The following DIAPH3 variants were observed in gnomAD, a reference collection of about 807,000 sequenced individuals.
DIAPH3 encodes diaphanous related formin 3.
In DIAPH3, 117 loss-of-function variants were observed where a neutral mutation model predicts 144.3. The observed-to-expected ratio is 0.81, with a 90% CI of 0.70 to 0.95. The LOEUF (loss-of-function observed/expected upper bound fraction) is 0.95, where lower values mean the gene tolerates loss of function less well. DIAPH3 is among the 40% of genes least tolerant of loss of function. The pLI is 0.00. For missense variants in DIAPH3, 1,421 were observed against 1,412.7 expected (o/e 1.01, Z -0.09); for synonymous variants, 519 against 488.9 (o/e 1.06, Z -0.81).
chr13:59,865,853 A>G (rs1462804086), intron 21 of DIAPH3, among the ~76,000 whole-genome samples: 3 of 152,044 alleles, frequency 2.0e-5, no homozygotes, highest in Non-Finnish European at 2.9e-5. Flanking sequence ...AAACCCTAAA[A>G]TAAAAACTAA....
intron 17 of DIAPH3, among the ~76,000 whole-genome samples, chr13:59,947,362 T>G (rs747665098): frequency 6.6e-6 from 1 of 152,206 alleles, no homozygotes; most frequent in Non-Finnish European, 1.5e-5. Flanking sequence ...ACTTTAACTC[T>G]GCATGGTCCA....
intron 27 of DIAPH3, among the ~76,000 whole-genome samples, chr13:59,701,283 G>T (rs1297340840): frequency 6.6e-6 from 1 of 152,130 alleles, no homozygotes; most frequent in Non-Finnish European, 1.5e-5. Flanking sequence ...TTGACTGAAG[G>T]TAATCATTAT....
intron 24 of DIAPH3, among the ~76,000 whole-genome samples, chr13:59,811,859 T>G (rs1352289142): frequency 6.6e-6 from 1 of 152,118 alleles, no homozygotes; most frequent in Non-Finnish European, 1.5e-5. Flanking sequence ...ATTATTTGTT[T>G]AATTTCTTAT....
At chr13:59,716,470 C>T (rs538885124) in intron 27 of DIAPH3, among the ~76,000 whole-genome samples, 4 of 152,240 alleles carry the variant, frequency 2.6e-5, no homozygotes, top group East Asian at 3.9e-4. Flanking sequence ...CCACCGTGCC[C>T]GGCCCCAGGA....
At chr13:60,070,395 A>G (rs926295953) in intron 4 of DIAPH3, among the ~76,000 whole-genome samples, 2 of 149,138 alleles carry the variant, frequency 1.3e-5, no homozygotes, top group Non-Finnish European at 3.0e-5. Context: ...CAGATCTATT[A>G]TTTGTCTTTT....
chr13:59,741,390 G>C (rs890645857), intron 27 of DIAPH3, among the ~76,000 whole-genome samples: 7 of 152,128 alleles, frequency 4.6e-5, no homozygotes, highest in Non-Finnish European at 1.0e-4. Context: ...TCCACCTAAT[G>C]AAAGTATTAC....
At chr13:59,990,676 C>T (rs1449182152) in intron 12 of DIAPH3, among the ~76,000 whole-genome samples, 2 of 151,848 alleles carry the variant, frequency 1.3e-5, no homozygotes, top group Admixed American at 6.6e-5. Flanking sequence ...AATTTGTTAA[C>T]CTCAGATGGC....
At chr13:59,972,561 A>G (rs564328331) in intron 15 of DIAPH3, among the ~76,000 whole-genome samples, 32 of 152,326 alleles carry the variant, frequency 2.1e-4, no homozygotes, top group South Asian at 1.2e-3. Context: ...AAACAGTGTT[A>G]TAAAAGAAGT....
At chr13:60,107,680 C>A (rs1219886746) in intron 3 of DIAPH3, among the ~76,000 whole-genome samples, 1 of 152,124 alleles carries the variant, frequency 6.6e-6, no homozygotes, top group African/African-American at 2.4e-5. Flanking sequence ...GTGCTTTCTC[C>A]TACATTACAA....
At chr13:60,129,348 T>A (rs958906637) in intron 2 of DIAPH3, among the ~76,000 whole-genome samples, 3 of 152,224 alleles carry the variant, frequency 2.0e-5, no homozygotes, top group Non-Finnish European at 4.4e-5. Context: ...GCACCTAAGC[T>A]GCACTTTATA....
At chr13:60,025,895 T>C (rs1251515737) in intron 5 of DIAPH3, among the ~76,000 whole-genome samples, 2 of 152,062 alleles carry the variant, frequency 1.3e-5, no homozygotes, top group African/African-American at 2.4e-5. Flanking sequence ...GCAATGAAGA[T>C]GGCTACCACA....
rs181811611 is a variant in DIAPH3 at position 59,761,680 on chromosome 13, G to A, written c.3319+12509C>T. 2.0e-4 allele frequency among the ~76,000 whole-genome samples: 31 copies of A among 152,248 alleles called. 1 individual carries two copies. Among genetic ancestry groups the A allele is most frequent in the Non-Finnish European group, 4.4e-5 (3 of 68,022 alleles). On this transcript the variant is annotated intron_variant, in intron 27 of 27. Coordinates refer to ENST00000400324, the MANE Select transcript of DIAPH3 (RefSeq NM_001042517.2). ...CTCCTATCATCCCTATCACTCCTTAGGAGTGTACACTGAAGAGCATTTTAG... is the reference window on the plus strand; with the variant it reads ...CTCCTATCATCCCTATCACTCCTTAAGAGTGTACACTGAAGAGCATTTTAG...
chr13:59,986,840 G>T (rs1228495808), intron 12 of DIAPH3, among the ~76,000 whole-genome samples: 4 of 150,056 alleles, frequency 2.7e-5, no homozygotes, highest in Non-Finnish European at 6.0e-5. Context: ...TGTTGGAGAG[G>T]ATGTGGAGAA....
chr13:59,920,444 G>A (rs1214741519), intron 18 of DIAPH3, among the ~76,000 whole-genome samples: 1 of 151,550 alleles, frequency 6.6e-6, no homozygotes, highest in Admixed American at 6.6e-5. Flanking sequence ...ACTGTAAAAG[G>A]AGACAAAGGA....
At chr13:60,059,513 T>C (rs977507424) in intron 4 of DIAPH3, among the ~76,000 whole-genome samples, 2 of 152,056 alleles carry the variant, frequency 1.3e-5, no homozygotes, top group East Asian at 1.9e-4. Flanking sequence ...ATACTTTACA[T>C]AGATTATCAT....
chr13:59,898,589 A>G (rs2140162902), intron 20 of DIAPH3, among the ~76,000 whole-genome samples: 1 of 152,340 alleles, frequency 6.6e-6, no homozygotes, highest in African/African-American at 2.4e-5. Context: ...TTACTTATTC[A>G]TTCATCAATA....
intron 17 of DIAPH3, among the ~76,000 whole-genome samples, chr13:59,934,341 T>C (rs1389877724): frequency 6.6e-6 from 1 of 152,152 alleles, no homozygotes; most frequent in Non-Finnish European, 1.5e-5. Flanking sequence ...ATAAATTACC[T>C]TTCTAAATAG....
chr13:60,118,923 T>C (rs1318456938), intron 2 of DIAPH3, among the ~76,000 whole-genome samples: 1 of 152,234 alleles, frequency 6.6e-6, no homozygotes, highest in Non-Finnish European at 1.5e-5. Context: ...CAGTACAGTC[T>C]CTTCCTATGT....
At chr13:60,163,521 C>G in intron 1 of DIAPH3, 66 bp downstream of exon 1, 2 of 1,578,248 alleles carry the variant, frequency 1.3e-6, no homozygotes, top group Non-Finnish European at 1.7e-6. Context: ...CTTGTGGGCC[C>G]ACCCTCGGCA....
Sources: gnomAD v4.1 joint callset for allele counts (sites outside exome capture counted in the v4.1 genomes callset) on GRCh38, gnomAD v4.1.1 for gene constraint, MANE v1.5 for transcripts, NCBI Gene and HGNC (gene_info 2026-07-23, HGNC 2026-07-21) for gene names.